SAMD12: variants seen among roughly 807,000 people sequenced by gnomAD.
The protein encoded by SAMD12 is sterile alpha motif domain-containing protein 12.
A neutral mutation model predicts 15.0 loss-of-function variants in SAMD12; 9 were observed. The ratio of observed to expected loss-of-function variants is 0.60; its 90% confidence interval spans 0.36 to 1.05. SAMD12 has a LOEUF of 1.05. SAMD12 is among the 50% of genes least tolerant of loss of function. The pLI is 0.01. For synonymous variants in SAMD12, 86 were observed against 90.1 expected, an observed-to-expected ratio of 0.96 and a Z score of 0.25; for missense variants, 230 against 234.2, an observed-to-expected ratio of 0.98 and a Z score of 0.12.
chr8:118,149,712 G>A, the SAMD12 span, among the ~76,000 whole-genome samples: 4 of 151,968 alleles, frequency 2.6e-5, no homozygotes, highest in Admixed American at 6.6e-5. Flanking sequence ...TTTAAGTTCT[G>A]CATTTATGCC....
At chr8:118,402,449 C>T (rs1027862905) in intron 3 of SAMD12, among the ~76,000 whole-genome samples, 3 of 152,106 alleles carry the variant, frequency 2.0e-5, no homozygotes, top group Admixed American at 1.3e-4. Flanking sequence ...AACACTTTTT[C>T]CATGTTTTCT....
chr8:118,300,642 A>G (rs181178580), intron 4 of SAMD12, among the ~76,000 whole-genome samples: 33 of 152,354 alleles, frequency 2.2e-4, no homozygotes, highest in African/African-American at 5.5e-4. Context: ...ATAGGCTCCA[A>G]TGAAGACCTA....
chr8:118,359,455 C>T (rs1818387161), intron 4 of SAMD12, among the ~76,000 whole-genome samples: 1 of 152,300 alleles, frequency 6.6e-6, no homozygotes, highest in Middle Eastern at 3.4e-3. Context: ...TGTTCCAAAC[C>T]CAGTTAGGAC....
intron 1 of SAMD12, chr8:118,620,964 G>GA (rs1347284205): frequency 1.3e-5 from 2 of 151,674 alleles, no homozygotes; most frequent in East Asian, 3.9e-4. Context: ...CCGGTCCACA[G>GA]TTTTTTTTTC....
intron 2 of SAMD12, among the ~76,000 whole-genome samples, chr8:118,486,018 G>T (rs1025878492): frequency 6.6e-6 from 1 of 152,144 alleles, no homozygotes; most frequent in East Asian, 1.9e-4. Context: ...CTTCTAACCT[G>T]GGAATGTTAC....
At chr8:118,167,875 G>A in the SAMD12 span, among the ~76,000 whole-genome samples, 1 of 152,140 alleles carries the variant, frequency 6.6e-6, no homozygotes, top group Non-Finnish European at 1.5e-5. Context: ...GTTCTTGGGG[G>A]TTGTTGGCTG....
At chr8:118,610,426 C>T (rs1443461475) in intron 1 of SAMD12, among the ~76,000 whole-genome samples, 1 of 152,174 alleles carries the variant, frequency 6.6e-6, no homozygotes, top group African/African-American at 2.4e-5. Context: ...AGGACTCTGG[C>T]ATACGGCAGA....
chr8:118,475,773 A>T (rs554578016), intron 2 of SAMD12, among the ~76,000 whole-genome samples: 1 of 152,344 alleles, frequency 6.6e-6, no homozygotes, highest in South Asian at 2.1e-4. Flanking sequence ...CCTTTTGGGA[A>T]AATCTTGTTT....
Position 118,554,583 on chromosome 8 carries a change from G to A in SAMD12, c.192+26132C>T, listed in dbSNP as rs375538264. ...GGAAATATACCTAATGCTAGATGAC[G>A]AGTTACTGGGTGCAGCGCACTAGCA... On this transcript the variant is annotated intron_variant, in intron 2 of 3. Coordinates refer to ENST00000314727, the MANE Select transcript of SAMD12 (RefSeq NM_207506.3). Among the ~76,000 whole-genome samples, 13 of 151,390 alleles carry A rather than the reference G, an allele frequency of 8.6e-5. No homozygotes were observed. In the East Asian group the frequency reaches 1.9e-3, roughly 23 times the overall value.
At position 118,597,617 on chromosome 8, in the gene SAMD12, C is replaced by T. The variant is rs542760792; in HGVS notation, c.14-16724G>A. Among the ~76,000 whole-genome samples the T allele has an allele frequency of 5.6e-4, 86 of 152,288 alleles. 1 individual carries two copies. The highest frequency in any genetic ancestry group is 2.3e-3 in the East Asian group (12 of 5,174). On this transcript the variant is annotated intron_variant, in intron 1 of 3. Coordinates refer to ENST00000314727, the MANE Select transcript of SAMD12 (RefSeq NM_207506.3). ...AACTGAATCTGGGAAGCAGCTGGTG[C>T]GAGAGGAGTTGGCTCTGCCAACTGA... is the stretch of plus-strand genomic sequence containing the variant.
chr8:118,430,139 A>G (rs905697244), intron 3 of SAMD12, among the ~76,000 whole-genome samples: 2 of 152,200 alleles, frequency 1.3e-5, no homozygotes, highest in Non-Finnish European at 2.9e-5. Flanking sequence ...TTGGACATAC[A>G]TTCTATAAAA....
intron 2 of SAMD12, among the ~76,000 whole-genome samples, chr8:118,545,117 ATG>A (rs1028390240): frequency 6.6e-6 from 1 of 152,110 alleles, no homozygotes; most frequent in African/African-American, 2.4e-5. Context: ...CTATATAAAT[ATG>A]TGTGTGTGCA....
chr8:118,367,893 T>C (rs1818879040), intron 4 of SAMD12, among the ~76,000 whole-genome samples: 1 of 152,186 alleles, frequency 6.6e-6, no homozygotes, highest in Non-Finnish European at 1.5e-5. Context: ...ACAAGAATCA[T>C]GAGTCCATGT....
At chr8:118,195,416 T>C (rs557448827) in exon 5 of SAMD12, 1 of 152,220 alleles carries the variant, frequency 6.6e-6, no homozygotes, top group East Asian at 1.9e-4. Flanking sequence ...GTTGTGCCTA[T>C]ATAAAGAAAG....
Position 118,457,433 on chromosome 8 carries a change from G to C in SAMD12, c.193-17472C>G, listed in dbSNP as rs369757561. Among the ~76,000 whole-genome samples, 4 of 150,854 alleles carry C rather than the reference G, an allele frequency of 2.7e-5. No individual in the cohort carries two copies. In the East Asian group the frequency reaches 5.8e-4, roughly 22 times the overall value. ...TTAAATAGAGACAGGGTCTCACTATGTTGCCCAGGCTAGTCTTCAACTCCT... is the reference window on the plus strand; with the variant it reads ...TTAAATAGAGACAGGGTCTCACTATCTTGCCCAGGCTAGTCTTCAACTCCT... On this transcript the variant is annotated intron_variant, in intron 2 of 3. Transcript: ENST00000314727.
chr8:118,162,083 C>T, the SAMD12 span, among the ~76,000 whole-genome samples: 1 of 150,990 alleles, frequency 6.6e-6, no homozygotes, highest in South Asian at 2.1e-4. Context: ...TCACTTGTAC[C>T]TGGAAGGCGG....
intron 2 of SAMD12, among the ~76,000 whole-genome samples, chr8:118,505,863 C>T (rs1824906851): frequency 6.6e-6 from 1 of 152,144 alleles, no homozygotes; most frequent in Non-Finnish European, 1.5e-5. Context: ...AAAAGTGATG[C>T]ATTACTATGC....
At chr8:118,179,542 G>A in the SAMD12 span, among the ~76,000 whole-genome samples, 3 of 152,156 alleles carry the variant, frequency 2.0e-5, no homozygotes, top group Non-Finnish European at 4.4e-5. Context: ...AGATGCAGAG[G>A]AGTTAAGAAA....
chr8:118,292,602 G>GT (rs1415170168), intron 4 of SAMD12, among the ~76,000 whole-genome samples: 1 of 151,758 alleles, frequency 6.6e-6, no homozygotes, highest in Non-Finnish European at 1.5e-5. Flanking sequence ...ACATGCACAC[G>GT]TATGTTTATT....
Sources: gnomAD v4.1 joint callset for allele counts (sites outside exome capture counted in the v4.1 genomes callset) on GRCh38, gnomAD v4.1.1 for gene constraint, MANE v1.5 for transcripts, NCBI Gene and HGNC (gene_info 2026-07-23, HGNC 2026-07-21) for gene names.